The following ZDHHC14 variants were observed in gnomAD, a reference collection of about 807,000 sequenced individuals.
The protein encoded by ZDHHC14 is zDHHC palmitoyltransferase 14.
A neutral mutation model predicts 47.7 loss-of-function variants in ZDHHC14; 16 were observed. The observed-to-expected ratio is 0.34, with a 90% CI of 0.23 to 0.51. The LOEUF (loss-of-function observed/expected upper bound fraction) is 0.51, where lower values mean the gene tolerates loss of function less well. Among genes scored for constraint, ZDHHC14 ranks in the 20% least tolerant of loss-of-function variants. The pLI is 0.97. For missense variants in ZDHHC14, 515 were observed against 662.5 expected (o/e 0.78, Z 2.44); for synonymous variants, 293 against 278.9 (o/e 1.05, Z -0.50).
chr6:157,600,831 G>A (rs1784310706), intron 3 of ZDHHC14, among the ~76,000 whole-genome samples: 1 of 152,168 alleles, frequency 6.6e-6, no homozygotes, highest in South Asian at 2.1e-4. Flanking sequence ...GTTATGTCAC[G>A]TTGCTTGGCA....
At chr6:157,658,570 C>T (rs1409772725) in intron 8 of ZDHHC14, among the ~76,000 whole-genome samples, 4 of 152,156 alleles carry the variant, frequency 2.6e-5, no homozygotes, top group Non-Finnish European at 4.4e-5. Context: ...TGGGGCTATG[C>T]GCAGTCTGGC....
At chr6:157,448,042 A>G (rs1778722438) in intron 1 of ZDHHC14, among the ~76,000 whole-genome samples, 1 of 151,594 alleles carries the variant, frequency 6.6e-6, no homozygotes, top group Non-Finnish European at 1.5e-5. Flanking sequence ...TGGCTACTTT[A>G]TTTATTTATT....
At chr6:157,543,067 A>C (rs1369916848) in intron 2 of ZDHHC14, among the ~76,000 whole-genome samples, 3 of 152,182 alleles carry the variant, frequency 2.0e-5, no homozygotes, top group Admixed American at 2.0e-4. Context: ...GAGAGATTAC[A>C]GTTGTAGGTT....
chr6:157,421,484 C>G (rs1483477268), intron 1 of ZDHHC14, among the ~76,000 whole-genome samples: 1 of 86,088 alleles, frequency 1.2e-5, no homozygotes, highest in Admixed American at 1.7e-4. Context: ...CAGAGCCAGA[C>G]TCCGTCTCAA....
chr6:157,534,209 G>A (rs1781461752), intron 1 of ZDHHC14, among the ~76,000 whole-genome samples: 1 of 152,156 alleles, frequency 6.6e-6, no homozygotes. Context: ...CTTGGTATGT[G>A]CAGGTCTTCC....
intron 1 of ZDHHC14, among the ~76,000 whole-genome samples, chr6:157,505,673 C>G (rs908513942): frequency 1.3e-5 from 2 of 152,180 alleles, no homozygotes; most frequent in Non-Finnish European, 2.9e-5. Flanking sequence ...TATTAAAACC[C>G]TGACGTCCTT....
intron 2 of ZDHHC14, among the ~76,000 whole-genome samples, chr6:157,568,815 T>A (rs1782999887): frequency 1.3e-5 from 2 of 152,196 alleles, no homozygotes; most frequent in African/African-American, 4.8e-5. Context: ...AATTAACTTT[T>A]GACCTCGCTT....
chr6:157,488,254 ATCT>A (rs1357336579), intron 1 of ZDHHC14, among the ~76,000 whole-genome samples: 1 of 152,092 alleles, frequency 6.6e-6, no homozygotes. Flanking sequence ...AAAATGGCTG[ATCT>A]TCTCTACTCC....
intron 1 of ZDHHC14, among the ~76,000 whole-genome samples, chr6:157,423,732 A>AC (rs1273256157): frequency 1.2e-4 from 18 of 152,196 alleles, no homozygotes; most frequent in Admixed American, 7.9e-4. Context: ...CCTACAGGCT[A>AC]ATCCTTGAGA....
At chr6:157,609,495 C>T (rs752781575) in intron 3 of ZDHHC14, among the ~76,000 whole-genome samples, 13 of 152,186 alleles carry the variant, frequency 8.5e-5, no homozygotes, top group African/African-American at 2.4e-4. Flanking sequence ...ATCATCATCT[C>T]TCTCTTTTGC....
At chr6:157,420,888 G>T (rs1778086601) in intron 1 of ZDHHC14, among the ~76,000 whole-genome samples, 1 of 152,136 alleles carries the variant, frequency 6.6e-6, no homozygotes, top group Non-Finnish European at 1.5e-5. Flanking sequence ...AGAGCCCTGT[G>T]CGGTAGGCCT....
chr6:157,592,272 A>T (rs1241601425), intron 2 of ZDHHC14, among the ~76,000 whole-genome samples: 1 of 152,234 alleles, frequency 6.6e-6, no homozygotes. Context: ...TGTCATTGAC[A>T]TTTTTAGAAC....
chr6:157,567,579 G>A (rs1782950499), intron 2 of ZDHHC14, among the ~76,000 whole-genome samples: 2 of 152,194 alleles, frequency 1.3e-5, no homozygotes, highest in Non-Finnish European at 2.9e-5. Flanking sequence ...ACTTTGGGAG[G>A]TTGAGGCGGG....
chr6:157,460,525 A>G (rs1347744966), intron 1 of ZDHHC14, among the ~76,000 whole-genome samples: 1 of 151,724 alleles, frequency 6.6e-6, no homozygotes, highest in Non-Finnish European at 1.5e-5. Flanking sequence ...AATTCCTATG[A>G]CAAGGAGTTC....
chr6:157,407,386 T>G (rs1280553692), intron 1 of ZDHHC14, among the ~76,000 whole-genome samples: 6 of 151,710 alleles, frequency 4.0e-5, no homozygotes, highest in Admixed American at 3.9e-4. Context: ...CCTCCTAGGA[T>G]TCATTGGGGA....
At chr6:157,524,269 G>A (rs1781076031) in intron 1 of ZDHHC14, among the ~76,000 whole-genome samples, 1 of 152,080 alleles carries the variant, frequency 6.6e-6, no homozygotes. Context: ...CGGTACCTGG[G>A]ACTACAAGCG....
intron 3 of ZDHHC14, among the ~76,000 whole-genome samples, chr6:157,620,856 G>A (rs566441077): frequency 4.0e-4 from 61 of 152,350 alleles, no homozygotes; most frequent in Middle Eastern, 3.4e-3. Flanking sequence ...GCAGATGAAC[G>A]TGTGGGTTCC....
Position 157,592,998 on chromosome 6 carries a change from C to T in ZDHHC14, c.417C>T (p.Asn139=), listed in dbSNP as rs759574099. The change falls in exon 3 of 9, where the codon AAC becomes AAT. Residue 139 remains asparagine, a synonymous_variant. Transcript: ENST00000359775. ...ADLERQIDIA[N]GTSSGGYRPP... ...TTCTTTTCTCCACAGATATCGCAAA[C>T]GGCACCAGTTCAGGGGGGTACCGCC... The T allele has an allele frequency of 7.4e-6, 12 of 1,611,180 alleles. No homozygotes were observed. The highest frequency in any genetic ancestry group is 3.3e-5 in the South Asian group (3 of 90,694).
intron 1 of ZDHHC14, among the ~76,000 whole-genome samples, chr6:157,471,479 G>A (rs1461739823): frequency 1.3e-5 from 2 of 152,218 alleles, no homozygotes; most frequent in African/African-American, 4.8e-5. Context: ...TGCACAGCGG[G>A]TCTTCACAGG....
Sources: allele counts gnomAD v4.1 joint callset (sites outside exome capture counted in the v4.1 genomes callset), GRCh38; gene constraint gnomAD v4.1.1; transcripts MANE v1.5; gene names NCBI Gene and HGNC (gene_info 2026-07-23, HGNC 2026-07-21).